Variants in NIPSNAP3B observed in about 807,000 individuals in gnomAD.
The protein encoded by NIPSNAP3B is protein NipSnap homolog 3B.
In NIPSNAP3B, 30 loss-of-function variants were observed where a neutral mutation model predicts 31.5. The observed-to-expected ratio is 0.95, with a 90% CI of 0.71 to 1.29. The LOEUF is 1.29. Among genes scored for constraint, NIPSNAP3B ranks in the 50% most tolerant of loss-of-function variants. The pLI is 0.00. For synonymous variants in NIPSNAP3B, 106 were observed against 107.9 expected (o/e 0.98, Z 0.11); for missense variants, 269 against 300.7 (o/e 0.89, Z 0.78).
the NIPSNAP3B span, chr9:104,784,560 A>C: frequency 7.5e-7 from 1 of 1,332,782 alleles, no homozygotes; most frequent in Non-Finnish European, 1.1e-6. Context: ...GTAGGAGCAT[A>C]CAGAATTACA....
At chr9:104,784,410 T>C in the NIPSNAP3B span, 3 of 1,614,096 alleles carry the variant, frequency 1.9e-6, no homozygotes, top group Non-Finnish European at 1.7e-6. Flanking sequence ...GAGAGGTCTT[T>C]TAAGTGGTCA....
chr9:104,786,306 T>TA, the NIPSNAP3B span: 1 of 1,613,688 alleles, frequency 6.2e-7, no homozygotes, highest in Non-Finnish European at 8.5e-7. Context: ...ACCTATTTTT[T>TA]AGATGCTGGA....
chr9:104,771,046 G>T, intron 4 of NIPSNAP3B, 48 bp downstream of exon 4: 2 of 1,506,650 alleles, frequency 1.3e-6, no homozygotes, highest in East Asian at 2.3e-5. Flanking sequence ...TATTAGATCA[G>T]TTCGTCTCTC....
intron 5 of NIPSNAP3B, 27 bp from the exon 6 acceptor site, chr9:104,772,970 A>G: frequency 6.2e-7 from 1 of 1,614,012 alleles, no homozygotes; most frequent in African/African-American, 1.3e-5. Context: ...CAATAACTGT[A>G]TGCCTTCTTA....
chr9:104,770,865 T>C lies in NIPSNAP3B; in HGVS notation c.447T>C (p.Ala149=), dbSNP rs1564058387. ...KPPKEGVYEL[A]VFQMKPGGPA... The stretch of plus-strand genomic sequence containing the variant: ...CTATTCTAGGAGTCTATGAACTAGC[T>C]GTTTTTCAGATGAAACCTGGTGGGC... Residue 149 remains alanine (A), a synonymous_variant, in exon 4 of 6, where the codon GCT becomes GCC. Coordinates refer to ENST00000374762, the MANE Select transcript of NIPSNAP3B (RefSeq NM_018376.4). 1 of 1,613,814 alleles carries C rather than the reference T, an allele frequency of 6.2e-7. No individual in the cohort carries two copies. Among genetic ancestry groups the C allele is most frequent in the African/African-American group, 1.3e-5 (1 of 75,052 alleles).
At chr9:104,782,355 A>T (rs2118824261), downstream of NIPSNAP3B, 1 of 152,224 alleles carries the variant, frequency 6.6e-6, no homozygotes, top group Non-Finnish European at 1.5e-5. Context: ...CTGTAAATTT[A>T]AAAAATATAG....
Position 104,776,191 on chromosome 9 carries a change from C to T in NIPSNAP3B, c.*3118C>T, listed in dbSNP as rs1005978099. Among the ~76,000 whole-genome samples the T allele has an allele frequency of 1.3e-5, 2 of 152,184 alleles. No homozygotes were observed. The highest frequency in any genetic ancestry group is 4.8e-5 in the African/African-American group (2 of 41,450). ...TCCAGACCTGACCTAAGAGGCTTTT[C>T]TCTGAACTTGCTAAACATGCTCTTA... On this transcript the variant is annotated 3_prime_UTR_variant, in exon 6 of 6. Coordinates refer to ENST00000374762, the MANE Select transcript of NIPSNAP3B (RefSeq NM_018376.4).
rs536387867 is a variant in NIPSNAP3B, at chr9:104,771,745, G to T, written c.580+747G>T. On this transcript the variant is annotated intron_variant, in intron 4 of 5. Coordinates refer to ENST00000374762, the MANE Select transcript of NIPSNAP3B (RefSeq NM_018376.4). ...TTATATTTCTCTGGGTATATATCCA[G>T]TAATGGGATTGTTGGGTCGAATGGC... Among the ~76,000 whole-genome samples, 41 of 152,314 alleles carry T rather than the reference G, an allele frequency of 2.7e-4. No homozygotes were observed. The South Asian group carries it at 8.5e-3, about 32-fold the overall frequency.
At chr9:104,772,431 T>C (rs982619711) in intron 4 of NIPSNAP3B, among the ~76,000 whole-genome samples, 1 of 152,126 alleles carries the variant, frequency 6.6e-6, no homozygotes, top group Admixed American at 6.5e-5. Context: ...AAACACACCA[T>C]ATGTTGATAA....
At chr9:104,778,362 C>G (rs534560748), downstream of NIPSNAP3B, among the ~76,000 whole-genome samples, 66 of 152,218 alleles carry the variant, frequency 4.3e-4, 2 homozygotes, top group South Asian at 0.013. Flanking sequence ...TCCCAAGTAG[C>G]TTGGATTACA....
rs1828272759 is a variant in NIPSNAP3B, at chr9:104,773,582, AC to A, written c.*510del. The A allele has an allele frequency of 6.6e-6, 1 of 152,584 alleles. No homozygotes were observed. Among genetic ancestry groups the A allele is most frequent in the Admixed American group, 6.5e-5 (1 of 15,300 alleles). The allele number at this position is 152,584 out of a possible 1,614,324, so 9.5% of individuals were successfully genotyped here. On this transcript the variant is annotated 3_prime_UTR_variant, in exon 6 of 6. Coordinates refer to ENST00000374762, the MANE Select transcript of NIPSNAP3B (RefSeq NM_018376.4). ...GTTTATTTCTTTACTGTGGAAAAGT[AC>A]AATGTCATCTGTATTAATTATTGCT...
At chr9:104,786,816 T>C in the NIPSNAP3B span, 1 of 1,434,982 alleles carries the variant, frequency 7.0e-7, no homozygotes, top group East Asian at 2.3e-5. Flanking sequence ...TGATCGCATA[T>C]TCTACTTGGA....
At chr9:104,780,921 T>C (rs1828505172), downstream of NIPSNAP3B, 5 of 152,628 alleles carry the variant, frequency 3.3e-5, no homozygotes. Context: ...TTCCTTTTGA[T>C]CCAAATCACT....
chr9:104,778,245 T>C (rs1828379522), downstream of NIPSNAP3B, among the ~76,000 whole-genome samples: 1 of 152,134 alleles, frequency 6.6e-6, no homozygotes, highest in Non-Finnish European at 1.5e-5. Flanking sequence ...ACACTTTTTT[T>C]TTTAGATGGA....
At chr9:104,785,229 C>T in the NIPSNAP3B span, among the ~76,000 whole-genome samples, 10 of 152,266 alleles carry the variant, frequency 6.6e-5, no homozygotes, top group East Asian at 3.9e-4. Context: ...GGCATCATCT[C>T]CCTTTTCAGG....
rs578252832 is a variant in NIPSNAP3B, at chr9:104,775,206, A to G, written c.*2133A>G. 6.6e-6 allele frequency among the ~76,000 whole-genome samples: 1 copy of G among 151,908 alleles called. No individual in the cohort carries two copies. The highest frequency in any genetic ancestry group is 2.4e-5 in the African/African-American group (1 of 41,474). ...TTTTTCCTATCTTTAAAAAAAAAAA[A>G]GAGTAAAATCACCCCATTTTTTTCC... On this transcript the variant is annotated 3_prime_UTR_variant, in exon 6 of 6. Coordinates refer to ENST00000374762, the MANE Select transcript of NIPSNAP3B (RefSeq NM_018376.4).
At chr9:104,768,014 G>C (rs917808181) in intron 2 of NIPSNAP3B, among the ~76,000 whole-genome samples, 2 of 152,052 alleles carry the variant, frequency 1.3e-5, no homozygotes, top group Admixed American at 1.3e-4. Context: ...ATACTTTAAA[G>C]CATCTCTAGA....
chr9:104,786,443 G>A, the NIPSNAP3B span: 104 of 1,481,780 alleles, frequency 7.0e-5, no homozygotes, highest in Non-Finnish European at 8.9e-5. Flanking sequence ...CTGTAACCAT[G>A]AGAACATCAC....
chr9:104,789,737 T>G, the NIPSNAP3B span, among the ~76,000 whole-genome samples: 1 of 151,884 alleles, frequency 6.6e-6, no homozygotes. Flanking sequence ...AAAATGTATT[T>G]CCCACAACGG....
Sources: gnomAD v4.1 joint callset for allele counts (sites outside exome capture counted in the v4.1 genomes callset) on GRCh38, gnomAD v4.1.1 for gene constraint, MANE v1.5 for transcripts, NCBI Gene and HGNC (gene_info 2026-07-23, HGNC 2026-07-21) for gene names.